Variants in DPP6 observed in about 807,000 individuals in gnomAD.
The protein encoded by DPP6 is A-type potassium channel modulatory protein DPP6.
DPP6 carries 69 observed loss-of-function variants against 122.6 expected under a neutral mutation model. The ratio of observed to expected loss-of-function variants is 0.56; its 90% CI spans 0.46 to 0.69. The LOEUF (loss-of-function observed/expected upper bound fraction) is 0.69. DPP6 is among the 30% of genes least tolerant of loss of function. The pLI is 0.00. For synonymous variants in DPP6, 418 were observed against 433.1 expected (o/e 0.97, Z 0.43); for missense variants, 928 against 1,116.9 (o/e 0.83, Z 2.41).
intron 1 of DPP6, among the ~76,000 whole-genome samples, chr7:154,024,573 C>G (rs4421278): frequency 6.6e-6 from 1 of 151,940 alleles, no homozygotes; most frequent in South Asian, 2.1e-4. Flanking sequence ...TCAGGGAGCA[C>G]GTTGAATTGG....
At chr7:154,413,744 A>G (rs147483807) in intron 1 of DPP6, among the ~76,000 whole-genome samples, 2 of 152,262 alleles carry the variant, frequency 1.3e-5, no homozygotes, top group Non-Finnish European at 2.9e-5. Flanking sequence ...AAAATTCAGT[A>G]ACCAATTATT....
intron 1 of DPP6, among the ~76,000 whole-genome samples, chr7:154,156,866 TAATA>T (rs1335225966): frequency 2.0e-5 from 2 of 100,760 alleles, no homozygotes; most frequent in East Asian, 1.1e-3. Context: ...CAGAGTAATA[TAATA>T]AATTTGTTCC....
chr7:154,181,749 C>CTTTTTTTTTTTT (rs57576340), intron 1 of DPP6, among the ~76,000 whole-genome samples: 1 of 134,912 alleles, frequency 7.4e-6, no homozygotes, highest in Non-Finnish European at 1.6e-5. Context: ...GCATCTCCCT[C>CTTTTTTTTTTTT]TTTTTTTTTT....
chr7:153,814,749 G>T, the DPP6 span, among the ~76,000 whole-genome samples: 7 of 152,050 alleles, frequency 4.6e-5, no homozygotes, highest in Non-Finnish European at 7.4e-5. Flanking sequence ...ACATCAAAAA[G>T]CTTATCCACC....
intron 4 of DPP6, among the ~76,000 whole-genome samples, chr7:154,555,322 T>C (rs1013517507): frequency 1.3e-5 from 2 of 152,138 alleles, no homozygotes; most frequent in Non-Finnish European, 2.9e-5. Flanking sequence ...TGTAGGGACA[T>C]GGATGAAGCT....
chr7:154,533,148 G>A (rs987198123), intron 3 of DPP6, among the ~76,000 whole-genome samples: 1 of 152,108 alleles, frequency 6.6e-6, no homozygotes, highest in African/African-American at 2.4e-5. Context: ...AAATACACAG[G>A]TTTCCCTGTT....
At chr7:154,097,388 G>A (rs1456504438) in intron 1 of DPP6, among the ~76,000 whole-genome samples, 2 of 152,340 alleles carry the variant, frequency 1.3e-5, no homozygotes, top group South Asian at 2.1e-4. Flanking sequence ...CTCTCCCGCC[G>A]TGCTGCGAGC....
At chr7:154,079,624 C>T (rs1409670878) in intron 1 of DPP6, among the ~76,000 whole-genome samples, 1 of 151,888 alleles carries the variant, frequency 6.6e-6, no homozygotes, top group East Asian at 1.9e-4. Context: ...ACTGGTGGGC[C>T]AGGGTTGGGA....
At chr7:154,311,880 C>CTT (rs1182648772) in intron 1 of DPP6, among the ~76,000 whole-genome samples, 5 of 152,114 alleles carry the variant, frequency 3.3e-5, no homozygotes, top group African/African-American at 1.2e-4. Flanking sequence ...GAGACAAATC[C>CTT]ATTCATTAAA....
At chr7:154,389,351 A>C (rs1420976164) in intron 1 of DPP6, among the ~76,000 whole-genome samples, 1 of 152,132 alleles carries the variant, frequency 6.6e-6, no homozygotes, top group Non-Finnish European at 1.5e-5. Flanking sequence ...AAATCTAGAT[A>C]TTTTCATTTC....
At chr7:154,130,328 G>A (rs1050357020) in intron 1 of DPP6, among the ~76,000 whole-genome samples, 3 of 152,026 alleles carry the variant, frequency 2.0e-5, no homozygotes, top group African/African-American at 7.2e-5. Context: ...AAACAGACCC[G>A]GCATCTAGTG....
chr7:154,552,522 G>A (rs1408461405), intron 4 of DPP6, among the ~76,000 whole-genome samples: 2 of 152,208 alleles, frequency 1.3e-5, no homozygotes, highest in Non-Finnish European at 2.9e-5. Context: ...GCTCACAATG[G>A]GTTTGTTGCC....
chr7:154,041,407 A>T (rs1343998932), intron 1 of DPP6, among the ~76,000 whole-genome samples: 1 of 152,246 alleles, frequency 6.6e-6, no homozygotes, highest in African/African-American at 2.4e-5. Flanking sequence ...ACATAAAAGA[A>T]GTTTTGAGGT....
At chr7:154,038,082 C>T (rs1426839609) in intron 1 of DPP6, among the ~76,000 whole-genome samples, 2 of 145,686 alleles carry the variant, frequency 1.4e-5, no homozygotes, top group African/African-American at 5.4e-5. Flanking sequence ...ATTCTCTAAA[C>T]TGATTTCAGC....
At chr7:153,805,436 G>C in the DPP6 span, among the ~76,000 whole-genome samples, 1 of 152,198 alleles carries the variant, frequency 6.6e-6, no homozygotes, top group Non-Finnish European at 1.5e-5. Flanking sequence ...GTTAAGTTTT[G>C]AAAGAGTGGC....
At chr7:154,540,987 T>C (rs1828681186) in intron 4 of DPP6, among the ~76,000 whole-genome samples, 1 of 152,182 alleles carries the variant, frequency 6.6e-6, no homozygotes, top group African/African-American at 2.4e-5. Flanking sequence ...AAAAAGCTCG[T>C]CTCCGCATGC....
At position 154,241,375 on chromosome 7, in the gene DPP6, T is replaced by G. The variant is rs79234172; in HGVS notation, c.243+188312T>G. 3.9e-5 allele frequency among the ~76,000 whole-genome samples: 6 copies of G among 152,068 alleles called. No homozygotes were observed. Among genetic ancestry groups the G allele is most frequent in the Admixed American group, 3.3e-4 (5 of 15,256 alleles). ...CCCTGTTTTATCCAAATTCTCAGTGTTTTTAAAGATCCCATTCTGGCAGGT... is the reference window on the plus strand; with the variant it reads ...CCCTGTTTTATCCAAATTCTCAGTGGTTTTAAAGATCCCATTCTGGCAGGT... On this transcript the variant is annotated intron_variant, in intron 1 of 25. Transcript: ENST00000377770. This position sits in a 1 kb window ranked among gnomAD's most constrained non-coding sequence, Gnocchi z 9.0.
chr7:153,807,162 C>T, the DPP6 span, among the ~76,000 whole-genome samples: 1 of 151,810 alleles, frequency 6.6e-6, no homozygotes, highest in Non-Finnish European at 1.5e-5. Flanking sequence ...CCTGTAACCC[C>T]AGCACTTTGG....
chr7:154,868,071 G>C lies in DPP6; in HGVS notation c.1791G>C (p.Arg597Ser), dbSNP rs1257858563. The C allele has an allele frequency of 1.9e-6, 3 of 1,607,728 alleles. No individual in the cohort carries two copies. The highest frequency in any genetic ancestry group is 2.2e-5 in the East Asian group (1 of 44,768). Residue 597 changes from arginine (R) to serine (S), a missense_variant, in exon 18 of 26, where the codon AGG becomes AGC. Physicochemically the swap from Arg to Ser is moderately radical, Grantham distance 110 (BLOSUM62 -1). Coordinates refer to ENST00000377770, the MANE Select transcript of DPP6 (RefSeq NM_130797.4). ...GACAGATGCCTAAAGTGGAATACAG[G>C]GACATTGAGATTGATGATTACAGTA... ...NDRQMPKVEY[R>S]DIEIDDYNLP...
Sources: allele counts gnomAD v4.1 joint callset (sites outside exome capture counted in the v4.1 genomes callset), GRCh38; gene constraint gnomAD v4.1.1; non-coding constraint Gnocchi (gnomAD v3.1); transcripts MANE v1.5; gene names NCBI Gene and HGNC (gene_info 2026-07-23, HGNC 2026-07-21).